HDAC9: variants seen among roughly 807,000 people sequenced by gnomAD.
HDAC9 encodes the protein MEF-2 interacting transcription repressor (MITR) protein.
HDAC9 carries 41 observed loss-of-function variants against 139.4 expected under a neutral mutation model. That is an observed-to-expected ratio of 0.29 (90% CI 0.23 to 0.38). HDAC9 has a LOEUF of 0.38. Ranked by LOEUF, HDAC9 falls within the 10% of genes least tolerant of loss-of-function variation. The pLI, the probability that HDAC9 is intolerant of heterozygous loss-of-function variation, is 1.00. For synonymous variants in HDAC9, 517 were observed against 476.2 expected, an observed-to-expected ratio of 1.09 and a Z score of -1.12; for missense variants, 1,147 against 1,297.0, an observed-to-expected ratio of 0.88 and a Z score of 1.78.
At chr7:18,549,329 G>A (rs138448822) in intron 2 of HDAC9, among the ~76,000 whole-genome samples, 3 of 152,208 alleles carry the variant, frequency 2.0e-5, no homozygotes, top group East Asian at 3.9e-4. Context: ...ACTTATGTTC[G>A]CACAGAATAT....
At chr7:18,484,926 G>A (rs527982586) in intron 1 of HDAC9, among the ~76,000 whole-genome samples, 1 of 151,824 alleles carries the variant, frequency 6.6e-6, no homozygotes, top group African/African-American at 2.4e-5. Flanking sequence ...ACTAAACTTG[G>A]GTTCCAAAGG....
rs187277613 is a variant in HDAC9, at chr7:18,996,032, T to G, written c.3180T>G (p.Gly1060=). 5.4e-5 allele frequency: 86 copies of G among 1,603,878 alleles called. No individual in the cohort carries two copies. In the Admixed American group the frequency reaches 1.4e-3, roughly 26 times the overall value. The stretch of plus-strand genomic sequence containing the variant: ...CTGTTTATTTTTACAGAACTGCTGG[T>G]GAGCCTATGGAAGAGGAGCCAGCCT... ...PFAQEDSRTA[G]EPMEEEPAL The change falls in exon 26 of 26, where the codon GGT becomes GGG. Residue 1060 remains glycine (G), a synonymous_variant. Coordinates refer to ENST00000686413, the MANE Select transcript of HDAC9 (RefSeq NM_178425.4).
At chr7:18,095,938 CCAAA>C (rs537246293) in intron 1 of HDAC9, among the ~76,000 whole-genome samples, 121 of 152,212 alleles carry the variant, frequency 7.9e-4, no homozygotes, top group Admixed American at 1.3e-3. Flanking sequence ...CCTTTTACAA[CCAAA>C]CAAACAATGT....
chr7:18,654,869 G>A lies in HDAC9; in HGVS notation c.1467+6186G>A, dbSNP rs372297353. Among the ~76,000 whole-genome samples, 14 of 152,242 alleles carry A rather than the reference G, an allele frequency of 9.2e-5. No homozygotes were observed. In the East Asian group the frequency reaches 2.3e-3, roughly 25 times the overall value. The stretch of plus-strand genomic sequence containing the variant: ...GGCAGTCTTTGCACGTGGACCTGAC[G>A]GTGAGACATTCAGATATCCTGTTGG... On this transcript the variant is annotated intron_variant, in intron 11 of 25. Coordinates refer to ENST00000686413, the MANE Select transcript of HDAC9 (RefSeq NM_178425.4).
At chr7:18,968,385 G>A (rs1028441264) in intron 24 of HDAC9, among the ~76,000 whole-genome samples, 10 of 151,882 alleles carry the variant, frequency 6.6e-5, no homozygotes, top group Non-Finnish European at 1.3e-4. Context: ...AACTGCTATC[G>A]AAGTTGCCCT....
intron 12 of HDAC9, among the ~76,000 whole-genome samples, chr7:18,677,454 A>T (rs550722129): frequency 2.0e-5 from 3 of 151,926 alleles, no homozygotes; most frequent in Admixed American, 6.6e-5. Flanking sequence ...AATATCTTAA[A>T]CAAGTTTCTG....
At chr7:18,340,452 G>A (rs562760301) in intron 1 of HDAC9, among the ~76,000 whole-genome samples, 1 of 151,114 alleles carries the variant, frequency 6.6e-6, no homozygotes, top group Admixed American at 6.6e-5. Context: ...TTTTACTTTT[G>A]TACCTTTTTA....
intron 2 of HDAC9, among the ~76,000 whole-genome samples, chr7:18,241,227 A>G (rs908558560): frequency 6.6e-6 from 1 of 152,226 alleles, no homozygotes; most frequent in Admixed American, 6.5e-5. Flanking sequence ...TTGTTACTCC[A>G]CAAAACAAAG....
chr7:18,943,002 A>T (rs942868852), intron 23 of HDAC9, among the ~76,000 whole-genome samples: 1 of 152,106 alleles, frequency 6.6e-6, no homozygotes, highest in African/African-American at 2.4e-5. Context: ...GGAAGAAGAG[A>T]TTAAAAAAGC....
At chr7:18,945,310 C>G (rs564778191) in intron 23 of HDAC9, among the ~76,000 whole-genome samples, 1 of 152,316 alleles carries the variant, frequency 6.6e-6, no homozygotes, top group African/African-American at 2.4e-5. Context: ...ATTTATTGAT[C>G]ATTTGTACAT....
intron 1 of HDAC9, among the ~76,000 whole-genome samples, chr7:18,155,829 G>T (rs929034921): frequency 2.0e-5 from 3 of 152,158 alleles, no homozygotes; most frequent in Non-Finnish European, 4.4e-5. Flanking sequence ...TCCAGAATGA[G>T]CCAAAAGTAA....
intron 24 of HDAC9, among the ~76,000 whole-genome samples, chr7:18,961,927 G>T (rs970576884): frequency 1.3e-5 from 2 of 152,072 alleles, no homozygotes; most frequent in African/African-American, 4.8e-5. Context: ...TTTTTGGGTT[G>T]AGTTTTTCCC....
At chr7:18,693,059 A>C (rs1037609367) in intron 12 of HDAC9, among the ~76,000 whole-genome samples, 1 of 152,054 alleles carries the variant, frequency 6.6e-6, no homozygotes, top group Non-Finnish European at 1.5e-5. Context: ...CCATAAATAT[A>C]GACAATTATT....
At chr7:18,098,209 C>A (rs997741751) in intron 1 of HDAC9, among the ~76,000 whole-genome samples, 1 of 152,208 alleles carries the variant, frequency 6.6e-6, no homozygotes, top group African/African-American at 2.4e-5. Flanking sequence ...ACAGGAATTG[C>A]TTCCTGCAAA....
At chr7:18,875,788 G>A (rs542367897) in intron 22 of HDAC9, among the ~76,000 whole-genome samples, 3 of 152,276 alleles carry the variant, frequency 2.0e-5, no homozygotes, top group Admixed American at 1.3e-4. Flanking sequence ...CTCAATGGAA[G>A]TCAGTCTTTC....
intron 13 of HDAC9, among the ~76,000 whole-genome samples, chr7:18,740,488 G>A (rs898074108): frequency 6.6e-6 from 1 of 152,180 alleles, no homozygotes; most frequent in African/African-American, 2.4e-5. Flanking sequence ...AGTGAACTTG[G>A]TAGATAAATA....
At chr7:18,655,155 A>G (rs1190238175) in intron 11 of HDAC9, among the ~76,000 whole-genome samples, 2 of 152,114 alleles carry the variant, frequency 1.3e-5, no homozygotes, top group Non-Finnish European at 2.9e-5. Context: ...GATGAGTAGA[A>G]ACTGGAACTG....
intron 2 of HDAC9, among the ~76,000 whole-genome samples, chr7:18,512,861 C>T (rs1233633328): frequency 6.6e-6 from 1 of 151,998 alleles, no homozygotes; most frequent in Non-Finnish European, 1.5e-5. Flanking sequence ...TGTAAAGCAA[C>T]AAATGGAGAG....
At chr7:18,868,385 A>G (rs1030539853) in intron 21 of HDAC9, among the ~76,000 whole-genome samples, 6 of 152,188 alleles carry the variant, frequency 3.9e-5, no homozygotes. Context: ...TCACACACAT[A>G]CATACTTTTC....
Sources: gnomAD v4.1 joint callset for allele counts (sites outside exome capture counted in the v4.1 genomes callset) on GRCh38, gnomAD v4.1.1 for gene constraint, MANE v1.5 for transcripts, NCBI Gene and HGNC (gene_info 2026-07-23, HGNC 2026-07-21) for gene names.